The following ATP6V1H variants were observed in gnomAD, a reference collection of about 807,000 sequenced individuals.
ATP6V1H encodes the protein ATPase H+ transporting V1 subunit H, also known as V-type proton ATPase subunit H.
A neutral mutation model predicts 71.7 loss-of-function variants in ATP6V1H; 39 were observed. The ratio of observed to expected loss-of-function variants is 0.54; its 90% CI spans 0.42 to 0.71. ATP6V1H has a LOEUF of 0.71. Among genes scored for constraint, ATP6V1H ranks in the 30% least tolerant of loss-of-function variants. The probability of loss-of-function intolerance (pLI) is 0.00; values close to 1 mark genes in which losing one functional copy is unlikely to be tolerated. For missense variants in ATP6V1H, 509 were observed against 594.9 expected (o/e 0.86, Z 1.50); for synonymous variants, 192 against 199.3 (o/e 0.96, Z 0.31).
intron 9 of ATP6V1H, among the ~76,000 whole-genome samples, chr8:53,781,801 C>T (rs1352190529): frequency 6.6e-6 from 1 of 152,006 alleles, no homozygotes; most frequent in African/African-American, 2.4e-5. Flanking sequence ...ATAGGGAATC[C>T]TTTCCCCATT....
chr8:53,785,206 G>T (rs60709944), intron 9 of ATP6V1H, among the ~76,000 whole-genome samples: 1 of 151,968 alleles, frequency 6.6e-6, no homozygotes, highest in Non-Finnish European at 1.5e-5. Context: ...TTTTCACATA[G>T]TCCCATATTT....
rs991731239 is a variant in ATP6V1H at position 53,765,234 on chromosome 8, T to C, written c.1175+4384A>G. On this transcript the variant is annotated intron_variant, in intron 11 of 13. Transcript: ENST00000359530. ...CTGGCCAACATGGTGAAACCCCGTC[T>C]CTACTAAAAATACAAAAATGAGCTG... 1.3e-4 allele frequency among the ~76,000 whole-genome samples: 20 copies of C among 151,760 alleles called. No individual in the cohort carries two copies. In the Middle Eastern group the frequency reaches 0.014, roughly 103 times the overall value.
intron 7 of ATP6V1H, 114 bp from the exon 8 acceptor site, chr8:53,802,010 C>T: frequency 1.2e-6 from 1 of 826,336 alleles, no homozygotes; most frequent in Non-Finnish European, 1.9e-6. Context: ...ATCTGAGCAT[C>T]CAAAATTCCC....
Position 53,829,419 on chromosome 8 carries a change from T to C in ATP6V1H, c.306+25A>G, listed in dbSNP as rs766359292. Reference sequence around the variant, plus strand: ...TATGCAAAAAAATGAAGTCACCAAATGTGTTAAGTAAAGAATATACCTACC... The same window carrying C: ...TATGCAAAAAAATGAAGTCACCAAACGTGTTAAGTAAAGAATATACCTACC... On this transcript the variant is annotated intron_variant, in intron 4 of 13. Transcript: ENST00000359530. 4 of 1,516,892 alleles carry C rather than the reference T, an allele frequency of 2.6e-6. No individual in the cohort carries two copies. The African/African-American group carries it at 4.1e-5, about 16-fold the overall frequency. 94.0% of individuals were successfully genotyped at this position (1,516,892 alleles called of 1,614,324 possible).
intron 2 of ATP6V1H, among the ~76,000 whole-genome samples, chr8:53,834,988 A>G (rs1464786621): frequency 6.6e-6 from 1 of 152,062 alleles, no homozygotes; most frequent in African/African-American, 2.4e-5. Context: ...ACAAAAAATA[A>G]AACAACAAAA....
intron 13 of ATP6V1H, among the ~76,000 whole-genome samples, chr8:53,734,181 C>T (rs1201465441): frequency 6.6e-6 from 1 of 152,178 alleles, no homozygotes; most frequent in African/African-American, 2.4e-5. Flanking sequence ...GTGAAAATCC[C>T]CACATAACCA....
chr8:53,787,285 G>GA (rs1353725213), intron 9 of ATP6V1H, among the ~76,000 whole-genome samples: 2 of 152,296 alleles, frequency 1.3e-5, no homozygotes, highest in Middle Eastern at 3.4e-3. Flanking sequence ...CAGAATTCCT[G>GA]AAACAGGGGA....
At chr8:53,727,844 A>G (rs1806868939) in intron 13 of ATP6V1H, among the ~76,000 whole-genome samples, 1 of 152,188 alleles carries the variant, frequency 6.6e-6, no homozygotes, top group African/African-American at 2.4e-5. Context: ...CTCCATCTAC[A>G]TTCCTGTGTG....
intron 13 of ATP6V1H, among the ~76,000 whole-genome samples, chr8:53,731,642 G>GT (rs1342517727): frequency 6.8e-5 from 10 of 146,488 alleles, no homozygotes; most frequent in Non-Finnish European, 8.9e-5. Flanking sequence ...GGGGAGCTCG[G>GT]TTTTGGGACG....
chr8:53,769,589 A>G, intron 11 of ATP6V1H, 29 bp downstream of exon 11: 2 of 1,598,370 alleles, frequency 1.3e-6, no homozygotes, highest in Non-Finnish European at 1.7e-6. Flanking sequence ...AACAGATATT[A>G]AGAGTGTAAA....
intron 3 of ATP6V1H, among the ~76,000 whole-genome samples, chr8:53,830,375 A>C (rs1401870384): frequency 6.6e-6 from 1 of 152,196 alleles, no homozygotes; most frequent in African/African-American, 2.4e-5. Flanking sequence ...ATGCTATAAA[A>C]AAATGGAGAC....
intron 9 of ATP6V1H, among the ~76,000 whole-genome samples, chr8:53,779,954 T>G (rs1585778182): frequency 6.6e-6 from 1 of 151,906 alleles, no homozygotes; most frequent in Admixed American, 6.6e-5. Flanking sequence ...AAGGCAGGGG[T>G]TCTAGACCAG....
intron 6 of ATP6V1H, 65 bp from the exon 7 acceptor site, chr8:53,811,282 CA>C: frequency 7.0e-7 from 1 of 1,421,256 alleles, no homozygotes; most frequent in Non-Finnish European, 9.9e-7. Context: ...TATCAGCTTA[CA>C]AAAGGGAGCT....
intron 9 of ATP6V1H, among the ~76,000 whole-genome samples, chr8:53,795,016 T>C (rs758220930): frequency 1.3e-5 from 2 of 152,122 alleles, no homozygotes; most frequent in Non-Finnish European, 2.9e-5. Context: ...CCATCTAAAG[T>C]GACCAACAAA....
rs112097978 is a variant in ATP6V1H, at chr8:53,747,527, T to TA, written c.1278-3838_1278-3837insT. On this transcript the variant is annotated intron_variant, in intron 12 of 13. Transcript: ENST00000359530. ...TAAAGGAGGAATAAAGAGAAAGCTC[T>TA]TTTTTTTTTTTTCCTTTTTTTTCCT... 3.2e-3 allele frequency among the ~76,000 whole-genome samples: 338 copies of TA among 105,066 alleles called. 2 individuals carry two copies. The highest frequency in any genetic ancestry group is 0.018 in the African/African-American group (327 of 18,598). The allele number at this position is 105,066 out of a possible 152,430, so 68.9% of individuals were successfully genotyped here.
chr8:53,824,361 A>C (rs556746268), intron 4 of ATP6V1H, among the ~76,000 whole-genome samples: 1 of 152,270 alleles, frequency 6.6e-6, no homozygotes, highest in African/African-American at 2.4e-5. Context: ...AAAACCTCCA[A>C]ATCCTTTTTA....
intron 9 of ATP6V1H, among the ~76,000 whole-genome samples, chr8:53,782,139 C>G (rs1378571136): frequency 1.3e-5 from 2 of 152,074 alleles, no homozygotes; most frequent in Non-Finnish European, 2.9e-5. Flanking sequence ...GGCAGTATGG[C>G]CATTTTCACG....
At chr8:53,784,125 A>C (rs972319602) in intron 9 of ATP6V1H, among the ~76,000 whole-genome samples, 5 of 152,110 alleles carry the variant, frequency 3.3e-5, no homozygotes, top group African/African-American at 4.8e-5. Context: ...AGATCTGTCT[A>C]ATGTTGACAG....
intron 13 of ATP6V1H, among the ~76,000 whole-genome samples, chr8:53,720,832 A>C (rs943890801): frequency 6.6e-6 from 1 of 152,160 alleles, no homozygotes; most frequent in Non-Finnish European, 1.5e-5. Context: ...TAGAAAACCC[A>C]CTGTTAGCAG....
Sources: allele counts gnomAD v4.1 joint callset (sites outside exome capture counted in the v4.1 genomes callset), GRCh38; gene constraint gnomAD v4.1.1; transcripts MANE v1.5; gene names NCBI Gene and HGNC (gene_info 2026-07-23, HGNC 2026-07-21).